The following AKT3 variants were observed in gnomAD, a reference collection of about 807,000 sequenced individuals.
AKT3 encodes AKT serine/threonine kinase 3.
Under a neutral mutation model 65.3 loss-of-function variants are expected in AKT3, and 15 were observed. The ratio of observed to expected loss-of-function variants is 0.23; its 90% CI spans 0.15 to 0.35. The LOEUF (loss-of-function observed/expected upper bound fraction) is 0.35, where lower values mean the gene tolerates loss of function less well. Ranked by LOEUF, AKT3 falls within the 10% of genes least tolerant of loss-of-function variation. The pLI is 1.00. For synonymous variants in AKT3, 206 were observed against 183.8 expected (o/e 1.12, Z -0.98); for missense variants, 243 against 576.5 (o/e 0.42, Z 5.92).
chr1:243,838,909 A>G (rs1159145331), intron 2 of AKT3, among the ~76,000 whole-genome samples: 2 of 152,192 alleles, frequency 1.3e-5, no homozygotes, highest in East Asian at 1.9e-4. Context: ...ACTAATACAA[A>G]AAGTAGAATA....
chr1:243,567,151 T>C (rs1489847062), intron 9 of AKT3, among the ~76,000 whole-genome samples: 2 of 152,058 alleles, frequency 1.3e-5, no homozygotes, highest in Non-Finnish European at 2.9e-5. Flanking sequence ...CGTGGTGGTA[T>C]GCGCTTGTGG....
chr1:243,834,011 A>C lies in AKT3; in HGVS notation c.46+9114T>G, dbSNP rs150078830. 8.4e-3 allele frequency among the ~76,000 whole-genome samples: 1,273 copies of C among 152,064 alleles called. 15 individuals are homozygous for C. Among genetic ancestry groups the C allele is most frequent in the African/African-American group, 0.03 (1,225 of 41,500 alleles). Reference sequence around the variant, plus strand: ...AGCCACTGTGGCTGGGCTCATCTTCATTTTGAAGGATTTTTTAAATTGTAC... The same window carrying C: ...AGCCACTGTGGCTGGGCTCATCTTCCTTTTGAAGGATTTTTTAAATTGTAC... On this transcript the variant is annotated intron_variant, in intron 2 of 13. Transcript: ENST00000673466.
intron 2 of AKT3, among the ~76,000 whole-genome samples, chr1:243,761,272 T>G (rs939300285): frequency 3.3e-5 from 5 of 152,246 alleles, no homozygotes; most frequent in Middle Eastern, 6.8e-3. Context: ...ATGTCTAATT[T>G]GGAAGAGAAA....
In AKT3 at chr1:243,502,640, T is replaced by C. The variant is rs1348049581; in HGVS notation, c.*2609A>G. On this transcript the variant is annotated 3_prime_UTR_variant, in exon 14 of 14. Transcript: ENST00000673466. The stretch of plus-strand genomic sequence containing the variant: ...TACACGCATTTCTGGTTTTCTATTA[T>C]TCCTCCATGGCAGCTGACAGATCTG... The C allele has an allele frequency of 4.3e-6, 1 of 233,132 alleles. No homozygotes were observed. The highest frequency in any genetic ancestry group is 2.2e-5 in the African/African-American group (1 of 45,344). The allele number at this position is 233,132 out of a possible 1,614,324, so 14.4% of individuals were successfully genotyped here. A position where few individuals can be genotyped will look rare whatever the true frequency, so the allele number is the denominator to read the frequency against.
intron 3 of AKT3, among the ~76,000 whole-genome samples, chr1:243,677,789 T>C (rs954388253): frequency 2.0e-5 from 3 of 152,054 alleles, no homozygotes. Flanking sequence ...GTAATTCCAT[T>C]AAAATCAACT....
intron 3 of AKT3, 51 bp from the exon 4 acceptor site, chr1:243,664,934 A>T (rs755842983): frequency 8.9e-7 from 1 of 1,122,878 alleles, no homozygotes; most frequent in African/African-American, 1.6e-5. Context: ...TTAAAACAAG[A>T]AGTAAATAAT....
At chr1:243,582,820 G>A (rs879490948) in intron 8 of AKT3, among the ~76,000 whole-genome samples, 3 of 151,638 alleles carry the variant, frequency 2.0e-5, no homozygotes, top group Non-Finnish European at 2.9e-5. Context: ...GTGGCATGTT[G>A]GATAAAAAAA....
intron 2 of AKT3, among the ~76,000 whole-genome samples, chr1:243,717,059 TCA>T (rs1686556391): frequency 6.6e-6 from 1 of 152,208 alleles, no homozygotes; most frequent in Admixed American, 6.5e-5. Flanking sequence ...TGGATGGATC[TCA>T]GTCTGTCTGC....
intron 9 of AKT3, among the ~76,000 whole-genome samples, chr1:243,565,096 C>T (rs527749151): frequency 2.8e-4 from 42 of 152,190 alleles, no homozygotes; most frequent in Non-Finnish European, 5.0e-4. Flanking sequence ...TTTTATAGTA[C>T]TTCAATGTGC....
Position 243,840,999 on chromosome 1 carries a change from T to C in AKT3, c.46+2126A>G, listed in dbSNP as rs146938008. Among the ~76,000 whole-genome samples, 674 of 152,100 alleles carry C rather than the reference T, an allele frequency of 4.4e-3. 4 individuals are homozygous for C. The highest frequency in any genetic ancestry group is 0.027 in the Middle Eastern group (8 of 294). The stretch of plus-strand genomic sequence containing the variant: ...AAATGATTATCTCTGACAAAGGAGG[T>C]AGAAAAGATAGGGAGATTTTTATTT... On this transcript the variant is annotated intron_variant, in intron 2 of 13. Coordinates refer to ENST00000673466, the MANE Select transcript of AKT3 (RefSeq NM_005465.7).
intron 12 of AKT3, among the ~76,000 whole-genome samples, chr1:243,532,477 T>G (rs1371204126): frequency 6.6e-6 from 1 of 152,232 alleles, no homozygotes; most frequent in Non-Finnish European, 1.5e-5. Flanking sequence ...TTTCTATACG[T>G]TGAACATCCT....
chr1:243,840,388 C>T (rs1321968273), intron 2 of AKT3, among the ~76,000 whole-genome samples: 8 of 151,676 alleles, frequency 5.3e-5, no homozygotes, highest in Non-Finnish European at 2.9e-5. Context: ...GCATGAGGAC[C>T]TAATGCATGG....
chr1:243,849,685 C>A (rs946085213), intron 1 of AKT3, among the ~76,000 whole-genome samples: 24 of 151,564 alleles, frequency 1.6e-4, no homozygotes, highest in African/African-American at 4.8e-4. Flanking sequence ...GAGAGTTGCG[C>A]AGACAGCAGG....
intron 2 of AKT3, among the ~76,000 whole-genome samples, chr1:243,700,740 G>A (rs1685396722): frequency 6.6e-6 from 1 of 152,116 alleles, no homozygotes; most frequent in African/African-American, 2.4e-5. Context: ...TTGACCTCAT[G>A]ATCCACCTGC....
chr1:243,498,884 A>C (rs1311843248), downstream of AKT3, among the ~76,000 whole-genome samples: 1 of 152,184 alleles, frequency 6.6e-6, no homozygotes, highest in Non-Finnish European at 1.5e-5. Context: ...AGTGCGTCCC[A>C]ATTTATCTGA....
At chr1:243,615,022 CAATTT>C in intron 7 of AKT3, 69 bp downstream of exon 7, 1 of 1,109,544 alleles carries the variant, frequency 9.0e-7, no homozygotes, top group South Asian at 1.4e-5. Context: ...GTATTTTTCA[CAATTT>C]AATTTCTAAC....
intron 4 of AKT3, among the ~76,000 whole-genome samples, chr1:243,659,862 G>C (rs1234877374): frequency 6.6e-6 from 1 of 152,122 alleles, no homozygotes; most frequent in African/African-American, 2.4e-5. Context: ...TTACACTAAA[G>C]TCATATAGAT....
At chr1:243,786,175 A>C (rs953875789) in intron 2 of AKT3, among the ~76,000 whole-genome samples, 3 of 152,214 alleles carry the variant, frequency 2.0e-5, no homozygotes, top group Non-Finnish European at 2.9e-5. Context: ...CACTGACCTA[A>C]GGTTATCCTC....
intron 6 of AKT3, among the ~76,000 whole-genome samples, chr1:243,615,826 G>A (rs1326602736): frequency 6.6e-6 from 1 of 151,980 alleles, no homozygotes; most frequent in African/African-American, 2.4e-5. Context: ...TGAACTCCTG[G>A]ACTCAAGCAT....
Sources: allele counts gnomAD v4.1 joint callset (sites outside exome capture counted in the v4.1 genomes callset), GRCh38; gene constraint gnomAD v4.1.1; transcripts MANE v1.5; gene names NCBI Gene and HGNC (gene_info 2026-07-23, HGNC 2026-07-21).